LUZP2: variants seen among roughly 807,000 people sequenced by gnomAD.
LUZP2 encodes the protein leucine zipper protein 2.
LUZP2 carries 52 observed loss-of-function variants against 51.6 expected under a neutral mutation model. The ratio of observed to expected loss-of-function variants is 1.01; its 90% CI spans 0.81 to 1.27. LUZP2 has a LOEUF of 1.27. Ranked by LOEUF, LUZP2 falls within the 50% of genes most tolerant of loss-of-function variation. LUZP2 has a pLI of 0.00. For missense variants in LUZP2, 436 were observed against 395.4 expected, an observed-to-expected ratio of 1.10 and a Z score of -0.87; for synonymous variants, 154 against 137.3, an observed-to-expected ratio of 1.12 and a Z score of -0.85.
intron 1 of LUZP2, among the ~76,000 whole-genome samples, chr11:24,644,596 T>C (rs2403969): frequency 1 from 151,886 of 151,934 alleles, 75,919 homozygotes; most frequent in Middle Eastern, 1. Context: ...TTACCTTCCA[T>C]GTAGATCACA....
At chr11:24,698,582 T>C (rs975076231) in intron 1 of LUZP2, among the ~76,000 whole-genome samples, 2 of 152,214 alleles carry the variant, frequency 1.3e-5, no homozygotes, top group African/African-American at 2.4e-5. Context: ...ATCCATTGCA[T>C]AAAAATTTGC....
chr11:24,576,921 A>G (rs920620831), intron 1 of LUZP2, among the ~76,000 whole-genome samples: 7 of 152,088 alleles, frequency 4.6e-5, no homozygotes, highest in African/African-American at 1.7e-4. Flanking sequence ...ATTGAAATAA[A>G]TATAGTAATT....
chr11:25,023,201 T>C (rs1160936387), intron 9 of LUZP2, among the ~76,000 whole-genome samples: 1 of 152,152 alleles, frequency 6.6e-6, no homozygotes, highest in Admixed American at 6.6e-5. Context: ...TTCTATTGAT[T>C]GGAATAGTTT....
At chr11:24,865,529 G>A (rs1312242828) in intron 5 of LUZP2, among the ~76,000 whole-genome samples, 1 of 152,140 alleles carries the variant, frequency 6.6e-6, no homozygotes, top group Non-Finnish European at 1.5e-5. Context: ...ATCCAGCACA[G>A]GCTATAGGCA....
rs574051566 is a variant in LUZP2, at chr11:24,669,631, T to A, written c.63-59538T>A. Among the ~76,000 whole-genome samples, 17 of 152,126 alleles carry A rather than the reference T, an allele frequency of 1.1e-4. 1 individual carries two copies. In the South Asian group the frequency reaches 3.5e-3, roughly 32 times the overall value. The stretch of plus-strand genomic sequence containing the variant: ...GATTTGTGGAGGAGAAGAGAGCACA[T>A]TGTTTGGATTATTTAAAGCAGGCAC... On this transcript the variant is annotated intron_variant, in intron 1 of 11. Coordinates refer to ENST00000336930, the MANE Select transcript of LUZP2 (RefSeq NM_001009909.4).
At chr11:24,700,166 A>G (rs1857382201) in intron 1 of LUZP2, among the ~76,000 whole-genome samples, 1 of 151,364 alleles carries the variant, frequency 6.6e-6, no homozygotes, top group Non-Finnish European at 1.5e-5. Flanking sequence ...GATTCAAGCA[A>G]GTCTCTTGCC....
chr11:24,574,755 G>A (rs1590198504), intron 1 of LUZP2, among the ~76,000 whole-genome samples: 1 of 151,996 alleles, frequency 6.6e-6, no homozygotes, highest in African/African-American at 2.4e-5. Flanking sequence ...CTGGGAGTTG[G>A]GGATTTTGTC....
At chr11:24,757,007 C>T (rs924379116) in intron 4 of LUZP2, among the ~76,000 whole-genome samples, 12 of 152,082 alleles carry the variant, frequency 7.9e-5, no homozygotes, top group African/African-American at 1.7e-4. Context: ...AAAAAGTATA[C>T]GAAGAGATAG....
chr11:24,924,224 C>A lies in LUZP2; in HGVS notation c.522+9686C>A, dbSNP rs574663180. ...TCCCAAGTAGCTGGGACTACAGGCA[C>A]GTGCCACCACGCCCAGCTAATTTTT... is the stretch of plus-strand genomic sequence containing the variant. On this transcript the variant is annotated intron_variant, in intron 7 of 11. Transcript: ENST00000336930. Among the ~76,000 whole-genome samples, 4 of 152,070 alleles carry A rather than the reference C, an allele frequency of 2.6e-5. No individual in the cohort carries two copies. The South Asian group carries it at 8.3e-4, about 32-fold the overall frequency.
intron 1 of LUZP2, among the ~76,000 whole-genome samples, chr11:24,538,466 T>C (rs2133840370): frequency 6.6e-6 from 1 of 151,832 alleles, no homozygotes; most frequent in Middle Eastern, 3.4e-3. Flanking sequence ...ACTTTCTTCC[T>C]GGGGTGATAA....
chr11:24,794,196 T>C (rs1481324269), intron 5 of LUZP2, among the ~76,000 whole-genome samples: 1 of 152,132 alleles, frequency 6.6e-6, no homozygotes, highest in Non-Finnish European at 1.5e-5. Flanking sequence ...GGAAGTGCCA[T>C]TAAACCTTGA....
intron 1 of LUZP2, among the ~76,000 whole-genome samples, chr11:24,722,202 A>T (rs1858298689): frequency 6.6e-6 from 1 of 152,238 alleles, no homozygotes; most frequent in Admixed American, 6.5e-5. Flanking sequence ...AAAAAGGACA[A>T]ATCCTGATAT....
intron 5 of LUZP2, among the ~76,000 whole-genome samples, chr11:24,765,869 G>C (rs10834480): frequency 0.08 from 12,188 of 151,884 alleles, 1,058 homozygotes; most frequent in African/African-American, 0.22. Context: ...CTGGTGATCC[G>C]CCTGCCTAGG....
rs572146461 is a variant in LUZP2, at chr11:24,604,670, C to T, written c.62+107365C>T. ...CATTTACCATTTGTTTGACTTTGTCCGGTGTATTTAACTTTACAGTCTTTT... is the reference window on the plus strand; with the variant it reads ...CATTTACCATTTGTTTGACTTTGTCTGGTGTATTTAACTTTACAGTCTTTT... On this transcript the variant is annotated intron_variant, in intron 1 of 11. Transcript: ENST00000336930. Among the ~76,000 whole-genome samples, 29 of 151,752 alleles carry T rather than the reference C, an allele frequency of 1.9e-4. No homozygotes were observed. The East Asian group carries it at 4.1e-3, about 21-fold the overall frequency.
chr11:24,906,263 C>A (rs1853449175), intron 6 of LUZP2, among the ~76,000 whole-genome samples: 1 of 150,952 alleles, frequency 6.6e-6, no homozygotes, highest in Non-Finnish European at 1.5e-5. Context: ...TTAACAAAGG[C>A]AGGTAATGAT....
intron 4 of LUZP2, among the ~76,000 whole-genome samples, chr11:24,741,999 AT>A (rs1859190842): frequency 7.5e-6 from 1 of 132,794 alleles, no homozygotes; most frequent in Non-Finnish European, 1.6e-5. Context: ...ATAAATGTAT[AT>A]ATTATATATA....
At chr11:24,870,490 G>C (rs61892069) in intron 5 of LUZP2, among the ~76,000 whole-genome samples, 1,744 of 145,670 alleles carry the variant, frequency 0.012, 13 homozygotes, top group Non-Finnish European at 0.018. Flanking sequence ...CACACACACA[G>C]ACACACACAC....
At chr11:25,041,543 GT>G (rs1205739193) in intron 9 of LUZP2, among the ~76,000 whole-genome samples, 1 of 152,034 alleles carries the variant, frequency 6.6e-6, no homozygotes, top group East Asian at 1.9e-4. Context: ...TAAATAAAAT[GT>G]TGCATTTAAA....
At chr11:24,947,551 C>A (rs978560634) in intron 7 of LUZP2, among the ~76,000 whole-genome samples, 16 of 151,558 alleles carry the variant, frequency 1.1e-4, no homozygotes, top group Non-Finnish European at 2.2e-4. Flanking sequence ...TTTTTCCCCC[C>A]AAGTGTATTT....
Sources: gnomAD v4.1 joint callset for allele counts (sites outside exome capture counted in the v4.1 genomes callset) on GRCh38, gnomAD v4.1.1 for gene constraint, MANE v1.5 for transcripts, NCBI Gene and HGNC (gene_info 2026-07-23, HGNC 2026-07-21) for gene names.